CSMD1: variants seen among roughly 807,000 people sequenced by gnomAD.
The protein encoded by CSMD1 is CUB and Sushi multiple domains 1.
In CSMD1, 213 loss-of-function variants were observed where a neutral mutation model predicts 417.5. The observed-to-expected ratio is 0.51, with a 90% confidence interval of 0.46 to 0.57. The LOEUF (loss-of-function observed/expected upper bound fraction) is 0.57, where lower values mean the gene tolerates loss of function less well. CSMD1 is among the 20% of genes least tolerant of loss of function. The probability of loss-of-function intolerance (pLI) is 0.00; values close to 1 mark genes in which losing one functional copy is unlikely to be tolerated. For missense variants in CSMD1, 6,923 were observed against 4,529.7 expected, an observed-to-expected ratio of 1.53 and a Z score of -15.17; for synonymous variants, 2,862 against 1,736.8, an observed-to-expected ratio of 1.65 and a Z score of -16.11.
intron 12 of CSMD1, among the ~76,000 whole-genome samples, chr8:3,454,985 A>G (rs1816011839): frequency 1.3e-5 from 2 of 152,090 alleles, no homozygotes; most frequent in Admixed American, 6.5e-5. Context: ...ACATAGTCCC[A>G]TATTTCTTGG....
At chr8:3,342,274 T>C (rs1291190781) in intron 23 of CSMD1, among the ~76,000 whole-genome samples, 4 of 152,208 alleles carry the variant, frequency 2.6e-5, no homozygotes, top group African/African-American at 7.2e-5. Context: ...CTTAGGCTCC[T>C]GGATTAGCTC....
intron 1 of CSMD1, among the ~76,000 whole-genome samples, chr8:4,918,824 C>A (rs1435203202): frequency 6.6e-6 from 1 of 152,074 alleles, no homozygotes; most frequent in African/African-American, 2.4e-5. Context: ...TATGTTTGTA[C>A]ATATATGCAG....
rs1009998337 is a variant in CSMD1 at position 4,139,547 on chromosome 8, G to A, written c.416-107448C>T. 1.7e-4 allele frequency among the ~76,000 whole-genome samples: 26 copies of A among 151,050 alleles called. 3 individuals carry two copies. Among genetic ancestry groups the A allele is most frequent in the African/African-American group, 5.7e-4 (23 of 40,376 alleles). ...CAGGGGAGTGGCACTCATCCTGCAC[G>A]ACGATCTGCATATAGCTCCCTGAGC... On this transcript the variant is annotated intron_variant, in intron 3 of 69. Coordinates refer to ENST00000635120, the MANE Select transcript of CSMD1 (RefSeq NM_033225.6).
chr8:3,188,226 C>CTATCTATA (rs1796195233), intron 35 of CSMD1, among the ~76,000 whole-genome samples: 1 of 123,328 alleles, frequency 8.1e-6, no homozygotes, highest in East Asian at 2.3e-4. Context: ...GTCTATCTAT[C>CTATCTATA]TATATATACA....
At chr8:4,676,894 T>G (rs947116869) in intron 1 of CSMD1, among the ~76,000 whole-genome samples, 3 of 149,510 alleles carry the variant, frequency 2.0e-5, no homozygotes, top group African/African-American at 7.4e-5. Context: ...AGAGAGAGAT[T>G]TTAGATATAC....
intron 14 of CSMD1, among the ~76,000 whole-genome samples, chr8:3,407,016 T>C (rs535593959): frequency 1.3e-5 from 2 of 152,066 alleles, no homozygotes; most frequent in South Asian, 4.1e-4. Flanking sequence ...GTTGTATAGA[T>C]GGGAGGAAGA....
At chr8:3,494,589 T>C (rs866713422) in intron 10 of CSMD1, among the ~76,000 whole-genome samples, 2 of 151,160 alleles carry the variant, frequency 1.3e-5, no homozygotes, top group South Asian at 2.1e-4. Context: ...GATAGATAGA[T>C]AGATAGATAG....
chr8:4,169,866 A>C (rs1370869015), intron 3 of CSMD1, among the ~76,000 whole-genome samples: 3 of 151,974 alleles, frequency 2.0e-5, no homozygotes, highest in African/African-American at 7.3e-5. Context: ...CATTTAGGAT[A>C]CTGTGTAATT....
At chr8:4,339,786 G>A (rs151320425) in intron 3 of CSMD1, among the ~76,000 whole-genome samples, 1 of 152,104 alleles carries the variant, frequency 6.6e-6, no homozygotes, top group African/African-American at 2.4e-5. Context: ...TGCTTTGGGA[G>A]AATGAGGTGG....
chr8:4,180,623 G>C (rs1033729530), intron 3 of CSMD1, among the ~76,000 whole-genome samples: 4 of 151,620 alleles, frequency 2.6e-5, no homozygotes, highest in African/African-American at 9.7e-5. Context: ...AAACAAAACA[G>C]AACAAAACAA....
chr8:4,659,184 G>A (rs1195111067), intron 1 of CSMD1, among the ~76,000 whole-genome samples: 3 of 151,920 alleles, frequency 2.0e-5, no homozygotes, highest in Middle Eastern at 3.4e-3. Flanking sequence ...ATGAAAACGA[G>A]GACACACAAA....
intron 1 of CSMD1, among the ~76,000 whole-genome samples, chr8:4,707,357 A>G (rs890255857): frequency 6.6e-6 from 1 of 152,204 alleles, no homozygotes; most frequent in Non-Finnish European, 1.5e-5. Flanking sequence ...GACATTATTC[A>G]AAGAAAATCT....
intron 5 of CSMD1, among the ~76,000 whole-genome samples, chr8:3,972,003 C>T (rs1435044521): frequency 1.3e-5 from 2 of 151,864 alleles, no homozygotes; most frequent in East Asian, 3.9e-4. Flanking sequence ...ACCTCCCAGG[C>T]TCAAGTAATC....
chr8:3,084,620 C>A (rs1814388579), intron 49 of CSMD1, among the ~76,000 whole-genome samples: 1 of 150,950 alleles, frequency 6.6e-6, no homozygotes. Context: ...TTGCACACTA[C>A]AAAAATCACA....
chr8:4,118,179 T>C lies in CSMD1; in HGVS notation c.416-86080A>G, dbSNP rs1802270807. Among the ~76,000 whole-genome samples, 4 of 152,214 alleles carry C rather than the reference T, an allele frequency of 2.6e-5. 1 individual carries two copies. The South Asian group carries it at 8.3e-4, about 32-fold the overall frequency. On this transcript the variant is annotated intron_variant, in intron 3 of 69. Coordinates refer to ENST00000635120, the MANE Select transcript of CSMD1 (RefSeq NM_033225.6). The stretch of plus-strand genomic sequence containing the variant: ...GGGAGCAGAGGGGTGTGTTGGTACA[T>C]TTATGCTGGCAAATAGCTATTAATA...
At chr8:3,192,347 A>G (rs576582649) in intron 33 of CSMD1, among the ~76,000 whole-genome samples, 1 of 152,320 alleles carries the variant, frequency 6.6e-6, no homozygotes, top group South Asian at 2.1e-4. Context: ...TATTTGCATA[A>G]ACATAATGAG....
At chr8:3,447,992 T>C (rs968382604) in intron 12 of CSMD1, among the ~76,000 whole-genome samples, 1 of 152,002 alleles carries the variant, frequency 6.6e-6, no homozygotes, top group African/African-American at 2.4e-5. Flanking sequence ...GCTGAGGAAA[T>C]GAGAGTCCTG....
chr8:3,740,377 T>G (rs1796735421), intron 6 of CSMD1, among the ~76,000 whole-genome samples: 1 of 152,168 alleles, frequency 6.6e-6, no homozygotes, highest in Non-Finnish European at 1.5e-5. Flanking sequence ...AGCACAAATT[T>G]AAAGAATAAC....
At chr8:4,118,538 G>C (rs1396838388) in intron 3 of CSMD1, among the ~76,000 whole-genome samples, 1 of 152,106 alleles carries the variant, frequency 6.6e-6, no homozygotes, top group Non-Finnish European at 1.5e-5. Context: ...AAACCAAAAT[G>C]GGATACCATC....
Sources: gnomAD v4.1 joint callset for allele counts (sites outside exome capture counted in the v4.1 genomes callset) on GRCh38, gnomAD v4.1.1 for gene constraint, MANE v1.5 for transcripts, NCBI Gene and HGNC (gene_info 2026-07-23, HGNC 2026-07-21) for gene names.